The following MGAT4C variants were observed in gnomAD, a reference collection of about 807,000 sequenced individuals.
MGAT4C encodes alpha-1,3-mannosyl-glycoprotein 4-beta-N-acetylglucosaminyltransferase C.
In MGAT4C, 19 loss-of-function variants were observed where a neutral mutation model predicts 40.1. The ratio of observed to expected loss-of-function variants is 0.47; its 90% CI spans 0.33 to 0.70. MGAT4C has a LOEUF of 0.70. Ranked by LOEUF, MGAT4C falls within the 30% of genes least tolerant of loss-of-function variation. MGAT4C has a pLI of 0.02. For missense variants in MGAT4C, 491 were observed against 563.2 expected, an observed-to-expected ratio of 0.87 and a Z score of 1.30; for synonymous variants, 181 against 187.1, an observed-to-expected ratio of 0.97 and a Z score of 0.27.
At chr12:86,437,022 A>T (rs988000707) in intron 2 of MGAT4C, among the ~76,000 whole-genome samples, 4 of 151,764 alleles carry the variant, frequency 2.6e-5, no homozygotes, top group Admixed American at 2.0e-4. Context: ...AGAAATGAAA[A>T]TAATTAGCCC....
chr12:86,397,270 A>C (rs1159922806), intron 3 of MGAT4C, among the ~76,000 whole-genome samples: 1 of 152,140 alleles, frequency 6.6e-6, no homozygotes, highest in Non-Finnish European at 1.5e-5. Context: ...GTATGAAGTA[A>C]AAGAATGGCT....
At chr12:86,112,387 C>G (rs539298085) in intron 1 of MGAT4C, among the ~76,000 whole-genome samples, 33 of 151,318 alleles carry the variant, frequency 2.2e-4, no homozygotes, top group Non-Finnish European at 8.9e-5. Flanking sequence ...TCATCTTTCT[C>G]TACAGAGACA....
At chr12:86,491,583 C>CA (rs557443931) in intron 2 of MGAT4C, among the ~76,000 whole-genome samples, 4 of 151,996 alleles carry the variant, frequency 2.6e-5, no homozygotes, top group South Asian at 2.1e-4. Context: ...AGGCCTTTGA[C>CA]AAAATTCAAC....
exon 3 of MGAT4C, chr12:86,435,170 G>A (rs771412010): frequency 6.6e-6 from 1 of 151,948 alleles, no homozygotes; most frequent in Non-Finnish European, 1.5e-5. Flanking sequence ...AGTGGATAAA[G>A]CTTCAACCTT....
intron 1 of MGAT4C, among the ~76,000 whole-genome samples, chr12:86,791,441 T>A (rs189880532): frequency 6.6e-6 from 1 of 151,806 alleles, no homozygotes; most frequent in East Asian, 1.9e-4. Context: ...GTTTTTTTTT[T>A]TTTTTTTTTT....
rs202199482 is a variant in MGAT4C, at chr12:85,978,210, C to T, written c.*1079G>A. The T allele has an allele frequency of 4.6e-5, 7 of 151,642 alleles. No individual in the cohort carries two copies. The East Asian group carries it at 1.4e-3, about 29-fold the overall frequency. The allele number at this position is 151,642 out of a possible 1,614,324, so 9.4% of individuals were successfully genotyped here. ...TCTGACAGGCATGTAGCAAATAGAA[C>T]ACAAAGCATAAATCTGTCAGGAGAA... On this transcript the variant is annotated 3_prime_UTR_variant, in exon 5 of 5. Coordinates refer to ENST00000611864, the MANE Select transcript of MGAT4C (RefSeq NM_001351288.2).
At chr12:86,396,521 C>T (rs1355838885) in intron 3 of MGAT4C, among the ~76,000 whole-genome samples, 6 of 152,028 alleles carry the variant, frequency 3.9e-5, no homozygotes, top group Non-Finnish European at 7.4e-5. Flanking sequence ...ATCTGGATGC[C>T]CATCCATCAT....
intron 1 of MGAT4C, 30 bp from the exon 2 acceptor site, chr12:86,049,753 T>C: frequency 7.2e-6 from 6 of 833,964 alleles, no homozygotes; most frequent in South Asian, 5.5e-5. Flanking sequence ...ATATTACTAA[T>C]ACAACCCACT....
intron 1 of MGAT4C, among the ~76,000 whole-genome samples, chr12:86,206,396 C>T (rs147483331): frequency 1.0e-3 from 155 of 152,224 alleles, no homozygotes; most frequent in Non-Finnish European, 1.7e-3. Flanking sequence ...AATATCTATA[C>T]ACATGTAATT....
chr12:86,070,062 G>A (rs1894930772), intron 1 of MGAT4C, among the ~76,000 whole-genome samples: 2 of 151,722 alleles, frequency 1.3e-5, no homozygotes, highest in African/African-American at 4.8e-5. Flanking sequence ...TGAATTATGA[G>A]GTCCCGATGT....
At chr12:86,449,138 T>C (rs1957384689) in intron 2 of MGAT4C, among the ~76,000 whole-genome samples, 1 of 152,180 alleles carries the variant, frequency 6.6e-6, no homozygotes, top group Non-Finnish European at 1.5e-5. Flanking sequence ...GTTTAGGTGG[T>C]ATGTAACAAT....
chr12:86,681,507 CCACT>C (rs1168598644), intron 2 of MGAT4C, among the ~76,000 whole-genome samples: 5 of 151,492 alleles, frequency 3.3e-5, no homozygotes, highest in African/African-American at 7.3e-5. Flanking sequence ...TTTCATCCAC[CCACT>C]CACTCACTTA....
At chr12:86,670,590 C>T (rs996346351) in intron 2 of MGAT4C, among the ~76,000 whole-genome samples, 1 of 152,080 alleles carries the variant, frequency 6.6e-6, no homozygotes, top group East Asian at 1.9e-4. Context: ...ATATACACCA[C>T]CAATCCTATA....
chr12:86,196,493 C>T (rs1335573708), intron 1 of MGAT4C, among the ~76,000 whole-genome samples: 3 of 152,334 alleles, frequency 2.0e-5, no homozygotes, highest in Admixed American at 1.3e-4. Context: ...AGAGAAAACA[C>T]CTTTGCCTTG....
chr12:86,235,825 C>T (rs182701207), intron 1 of MGAT4C, among the ~76,000 whole-genome samples: 2 of 152,094 alleles, frequency 1.3e-5, no homozygotes, highest in Admixed American at 1.3e-4. Flanking sequence ...CTGAGTCTTA[C>T]TTATTGTTAT....
chr12:86,769,371 G>A (rs1593190071), intron 1 of MGAT4C, among the ~76,000 whole-genome samples: 1 of 152,008 alleles, frequency 6.6e-6, no homozygotes, highest in African/African-American at 2.4e-5. Context: ...GGAAACAGGT[G>A]CTGGAGAGGA....
chr12:86,275,674 AG>A, intron 4 of MGAT4C, among the ~76,000 whole-genome samples: 1 of 152,224 alleles, frequency 6.6e-6, no homozygotes, highest in South Asian at 2.1e-4. Flanking sequence ...CGGAGAGTGG[AG>A]TGATGCAAGG....
chr12:85,981,515 C>G (rs1418679488), intron 4 of MGAT4C, among the ~76,000 whole-genome samples: 2 of 152,170 alleles, frequency 1.3e-5, no homozygotes, highest in Non-Finnish European at 2.9e-5. Flanking sequence ...GCTTACAACT[C>G]AGACTTCTAT....
At chr12:86,116,822 T>G (rs1213034593) in intron 1 of MGAT4C, among the ~76,000 whole-genome samples, 1 of 152,146 alleles carries the variant, frequency 6.6e-6, no homozygotes, top group Non-Finnish European at 1.5e-5. Flanking sequence ...TTATAAGCTA[T>G]TGACATCAAT....
Sources: allele counts gnomAD v4.1 joint callset (sites outside exome capture counted in the v4.1 genomes callset), GRCh38; gene constraint gnomAD v4.1.1; transcripts MANE v1.5; gene names NCBI Gene and HGNC (gene_info 2026-07-23, HGNC 2026-07-21).